The following TMEM108 variants were observed in gnomAD, a reference collection of about 807,000 sequenced individuals.
TMEM108 encodes the protein cancer/testis antigen 124.
Under a neutral mutation model 35.1 loss-of-function variants are expected in TMEM108, and 12 were observed. The ratio of observed to expected loss-of-function variants is 0.34; its 90% CI spans 0.22 to 0.55. The LOEUF is 0.55. Among genes scored for constraint, TMEM108 ranks in the 20% least tolerant of loss-of-function variants. TMEM108 has a pLI of 0.89. For synonymous variants in TMEM108, 287 were observed against 308.6 expected (o/e 0.93, Z 0.73); for missense variants, 680 against 753.3 (o/e 0.90, Z 1.14).
chr3:133,135,170 T>C (rs1346020299), intron 2 of TMEM108, among the ~76,000 whole-genome samples: 3 of 150,226 alleles, frequency 2.0e-5, no homozygotes, highest in African/African-American at 7.4e-5. Context: ...TTTTTTTTTT[T>C]CTTTCTTTCT....
intron 3 of TMEM108, among the ~76,000 whole-genome samples, chr3:133,275,765 A>G (rs550764911): frequency 6.6e-6 from 1 of 152,370 alleles, no homozygotes; most frequent in Admixed American, 6.5e-5. Flanking sequence ...AAGAAAGACA[A>G]TAAATAGCTT....
chr3:133,275,796 G>A (rs751527279), intron 3 of TMEM108, among the ~76,000 whole-genome samples: 1 of 152,178 alleles, frequency 6.6e-6, no homozygotes, highest in Non-Finnish European at 1.5e-5. Flanking sequence ...GGGTATTGCT[G>A]CCAAGTGAGT....
intron 2 of TMEM108, among the ~76,000 whole-genome samples, chr3:133,227,339 G>C (rs550932145): frequency 6.6e-6 from 1 of 150,900 alleles, no homozygotes; most frequent in South Asian, 2.1e-4. Context: ...GACTACAGGC[G>C]CCCACCACCT....
chr3:133,388,463 T>C, intron 4 of TMEM108: 1 of 985,416 alleles, frequency 1.0e-6, no homozygotes, highest in Non-Finnish European at 1.2e-6. Flanking sequence ...TTCAACCATC[T>C]GAAGAAAGGG....
At chr3:133,149,671 A>G (rs6764145) in intron 2 of TMEM108, among the ~76,000 whole-genome samples, 5,506 of 152,170 alleles carry the variant, frequency 0.036, 322 homozygotes, top group African/African-American at 0.13. Flanking sequence ...GAATGGCAGA[A>G]TTTTCTTCTT....
At chr3:133,125,863 A>G (rs188532890) in intron 2 of TMEM108, among the ~76,000 whole-genome samples, 7 of 152,308 alleles carry the variant, frequency 4.6e-5, no homozygotes, top group Non-Finnish European at 8.8e-5. Flanking sequence ...AAAGAAGACT[A>G]AAGGGATGTG....
chr3:133,309,731 C>T (rs61012230), intron 3 of TMEM108, among the ~76,000 whole-genome samples: 34,401 of 111,510 alleles, frequency 0.31, 5,630 homozygotes, highest in East Asian at 0.46. Context: ...GACGGAGTCT[C>T]GCTCTGTCGC....
intron 2 of TMEM108, among the ~76,000 whole-genome samples, chr3:133,127,660 C>G (rs1452416905): frequency 6.6e-6 from 1 of 152,204 alleles, no homozygotes; most frequent in Non-Finnish European, 1.5e-5. Context: ...CTCTTGTCTT[C>G]CACTCCAGGC....
chr3:133,396,923 C>T lies in TMEM108; in HGVS notation c.*937C>T, dbSNP rs368064226. On this transcript the variant is annotated 3_prime_UTR_variant, in exon 6 of 6. Coordinates refer to ENST00000321871, the MANE Select transcript of TMEM108 (RefSeq NM_023943.4). ...TCTAAGAAGCTTTGAGGTAGTAGAG[C>T]GATAATTTTTGAAACCTTCCTCCTG... 1 of 151,972 alleles carries T rather than the reference C, an allele frequency of 6.6e-6. No homozygotes were observed. Among genetic ancestry groups the T allele is most frequent in the Non-Finnish European group, 1.5e-5 (1 of 67,972 alleles). 9.4% of individuals were successfully genotyped at this position (151,972 alleles called of 1,614,324 possible). A position where few individuals can be genotyped will look rare whatever the true frequency, so the allele number is the denominator to read the frequency against.
At chr3:133,061,212 CTT>C (rs778632376) in intron 2 of TMEM108, among the ~76,000 whole-genome samples, 9 of 129,970 alleles carry the variant, frequency 6.9e-5, no homozygotes, top group Admixed American at 1.6e-4. Flanking sequence ...GGCATGTCTC[CTT>C]TTTTTTTTTT....
At chr3:133,393,126 C>T (rs771632655) in intron 5 of TMEM108, among the ~76,000 whole-genome samples, 4 of 152,200 alleles carry the variant, frequency 2.6e-5, no homozygotes, top group Admixed American at 2.0e-4. Flanking sequence ...AAGCTTGCCC[C>T]CACCTTAGAG....
chr3:133,125,874 A>C (rs983220025), intron 2 of TMEM108, among the ~76,000 whole-genome samples: 2 of 152,174 alleles, frequency 1.3e-5, no homozygotes, highest in African/African-American at 4.8e-5. Context: ...AAGGGATGTG[A>C]TATTTAGTCT....
intron 2 of TMEM108, among the ~76,000 whole-genome samples, chr3:133,180,798 C>G (rs1380890066): frequency 6.6e-6 from 1 of 151,944 alleles, no homozygotes; most frequent in Non-Finnish European, 1.5e-5. Context: ...TTCATGCAAA[C>G]AAAACACAGA....
In TMEM108 at chr3:133,380,542, G is replaced by A. The variant is rs1485886981; in HGVS notation, c.831G>A (p.Lys277=). The change falls in exon 4 of 6, where the codon AAG becomes AAA. Residue 277 remains lysine, a synonymous_variant. Transcript: ENST00000321871. The surrounding 1 kb of genome is among the most constrained non-coding windows in gnomAD (Gnocchi z 5.3). ...TTTSLGPAKD[K]PGLRRAAQGG... is the part of the protein sequence containing the mutation. ...CCTCCCTGGGGCCTGCAAAGGACAA[G>A]CCAGGCCTTCGCAGAGCAGCCCAGG... 1 of 1,613,876 alleles carries A rather than the reference G, an allele frequency of 6.2e-7. No homozygotes were observed.
chr3:133,134,008 C>G (rs1158087017), intron 2 of TMEM108, among the ~76,000 whole-genome samples: 1 of 151,924 alleles, frequency 6.6e-6, no homozygotes, highest in Non-Finnish European at 1.5e-5. Context: ...GTGATCCACC[C>G]ACCTCAGCCT....
At chr3:133,183,337 T>C (rs189532474) in intron 2 of TMEM108, among the ~76,000 whole-genome samples, 1 of 152,298 alleles carries the variant, frequency 6.6e-6, no homozygotes, top group East Asian at 1.9e-4. Flanking sequence ...AGGCATATGA[T>C]TCCTAAGTCA....
chr3:133,122,699 T>C lies in TMEM108; in HGVS notation c.-47+76679T>C, dbSNP rs532659527. Reference sequence around the variant, plus strand: ...TAACACAGTGAAACCCCGTCTCTACTAAAAATACAAAAAATTAGCTCGGTG... The same window carrying C: ...TAACACAGTGAAACCCCGTCTCTACCAAAAATACAAAAAATTAGCTCGGTG... On this transcript the variant is annotated intron_variant, in intron 2 of 5. Transcript: ENST00000321871. Among the ~76,000 whole-genome samples, 9 of 151,936 alleles carry C rather than the reference T, an allele frequency of 5.9e-5. No individual in the cohort carries two copies. The East Asian group carries it at 1.7e-3, about 29-fold the overall frequency.
At chr3:133,297,122 A>T (rs144099560) in intron 3 of TMEM108, among the ~76,000 whole-genome samples, 1 of 152,348 alleles carries the variant, frequency 6.6e-6, no homozygotes, top group Non-Finnish European at 1.5e-5. Flanking sequence ...AATAATGCTC[A>T]TTAGGCTTAT....
chr3:133,272,571 T>G (rs1946788088), intron 3 of TMEM108, among the ~76,000 whole-genome samples: 2 of 152,044 alleles, frequency 1.3e-5, no homozygotes, highest in Admixed American at 1.3e-4. Flanking sequence ...CTATGCAATT[T>G]TTATGGTACC....
Sources: allele counts gnomAD v4.1 joint callset (sites outside exome capture counted in the v4.1 genomes callset), GRCh38; gene constraint gnomAD v4.1.1; non-coding constraint Gnocchi (gnomAD v3.1); transcripts MANE v1.5; gene names NCBI Gene and HGNC (gene_info 2026-07-23, HGNC 2026-07-21).